CPNE7: variants seen among roughly 807,000 people sequenced by gnomAD.
CPNE7 encodes the protein copine-7.
In CPNE7, 78 loss-of-function variants were observed where a neutral mutation model predicts 66.5. The observed-to-expected ratio is 1.17, with a 90% CI of 0.98 to 1.42. The LOEUF (loss-of-function observed/expected upper bound fraction) is 1.42, where lower values mean the gene tolerates loss of function less well. CPNE7 is among the 40% of genes most tolerant of loss of function. The probability of loss-of-function intolerance (pLI) is 0.00; values close to 1 mark genes in which losing one functional copy is unlikely to be tolerated. For synonymous variants in CPNE7, 468 were observed against 336.7 expected (o/e 1.39, Z -4.27); for missense variants, 1,012 against 776.6 (o/e 1.30, Z -3.60).
chr16:89,585,810 C>G, intron 7 of CPNE7, 25 bp downstream of exon 7: 1 of 1,062,998 alleles, frequency 9.4e-7, no homozygotes, highest in Non-Finnish European at 1.3e-6. Context: ...GTAGGGGGTC[C>G]TCCAGGGAGG....
chr16:89,596,499 C>A lies in CPNE7; in HGVS notation c.1555C>A (p.Leu519Met). 6.2e-7 allele frequency: 1 copy of A among 1,608,850 alleles called. No individual in the cohort carries two copies. The stretch of plus-strand genomic sequence containing the variant: ...CATCCTCCAGGCATCCCCTGCGGCG[C>A]TGGCCAAGTGCGTGCTGGCCGAGGT... ...RELKNASPAALAKCVLAEVPK... is the reference protein window; with the variant it reads ...RELKNASPAAMAKCVLAEVPK... The change falls in exon 15 of 15, where the codon CTG becomes ATG. Residue 519 changes from leucine to methionine, a missense_variant. Leu to Met is a conservative substitution (Grantham distance 15). Transcript: ENST00000319518.
intron 1 of CPNE7, among the ~76,000 whole-genome samples, chr16:89,576,911 G>A (rs1222185673): frequency 1.3e-5 from 2 of 152,102 alleles, no homozygotes; most frequent in Non-Finnish European, 2.9e-5. Flanking sequence ...CGGAGGCCCC[G>A]TGCCCGCCCC....
intron 10 of CPNE7, among the ~76,000 whole-genome samples, chr16:89,589,108 A>G (rs537436751): frequency 6.6e-6 from 1 of 152,320 alleles, no homozygotes; most frequent in East Asian, 1.9e-4. Flanking sequence ...CCTGGCCAAC[A>G]TGGTGAAACC....
At position 89,575,946 on chromosome 16, in the gene CPNE7, C is replaced by T. The variant is rs765674489; in HGVS notation, c.49C>T (p.Pro17Ser). ...RGAAATPGGL[P>S]APCASKVELR... ...GGCGGCGGCAACCCCCGGGGGTTTG[C>T]CCGCGCCCTGCGCCTCGAAGGTGGA... The change falls in exon 1 of 15, where the codon CCC becomes TCC. Residue 17 changes from proline to serine, a missense_variant. Physicochemically the swap from Pro to Ser is moderately conservative, Grantham distance 74. Transcript: ENST00000319518. 2 of 1,335,694 alleles carry T rather than the reference C, an allele frequency of 1.5e-6. No individual in the cohort carries two copies. The highest frequency in any genetic ancestry group is 1.8e-5 in the South Asian group (1 of 54,480). 82.7% of individuals were successfully genotyped at this position (1,335,694 alleles called of 1,614,324 possible). A position where few individuals can be genotyped will look rare whatever the true frequency, so the allele number is the denominator to read the frequency against.
Position 89,576,044 on chromosome 16 carries a change from GC to G in CPNE7, c.148del (p.Gln50SerfsTer77). 7.6e-7 allele frequency: 1 copy of G among 1,318,792 alleles called. No homozygotes were observed. Among genetic ancestry groups the G allele is most frequent in the Non-Finnish European group, 9.7e-7 (1 of 1,034,692 alleles). 81.7% of individuals were successfully genotyped at this position (1,318,792 alleles called of 1,614,324 possible). A position where few individuals can be genotyped will look rare whatever the true frequency, so the allele number is the denominator to read the frequency against. ...AGTCCGACCCCAGCGTGGCGTTGCT[GC>G]AGCAGGCGCAGGGCCAGTGGGTGCA... is the stretch of plus-strand genomic sequence containing the variant. ...TKSDPSVALL[Q>X]QAQGQWVQVG... On this transcript the variant is annotated frameshift_variant, in exon 1 of 15. Coordinates refer to ENST00000319518, the MANE Select transcript of CPNE7 (RefSeq NM_153636.3). LOFTEE classifies it high-confidence loss of function.
intron 7 of CPNE7, among the ~76,000 whole-genome samples, chr16:89,586,061 AG>A (rs902111478): frequency 4.3e-3 from 15 of 3,506 alleles, no homozygotes; most frequent in Non-Finnish European, 8.0e-3. Context: ...GGGGCAGGTG[AG>A]GGGGGCCTCT....
chr16:89,582,113 T>C (rs1211979009), intron 2 of CPNE7, among the ~76,000 whole-genome samples: 1 of 152,242 alleles, frequency 6.6e-6, no homozygotes, highest in Non-Finnish European at 1.5e-5. Flanking sequence ...CTTCCAGCAA[T>C]GAGGAGGCCC....
intron 2 of CPNE7, among the ~76,000 whole-genome samples, chr16:89,581,026 GTCACACGGAACATCCCGTAACCCA>G (rs1567953537): frequency 1.3e-4 from 17 of 132,562 alleles, no homozygotes; most frequent in African/African-American, 4.7e-4. Flanking sequence ...CCCGTCACCC[GTCACACGGAACATCCCGTAACCCA>G]TCACATGGAA....
chr16:89,586,593 G>C, intron 7 of CPNE7, 77 bp from the exon 8 acceptor site: 1 of 1,207,780 alleles, frequency 8.3e-7, no homozygotes, highest in Non-Finnish European at 1.2e-6. Flanking sequence ...CGCTATTGGG[G>C]ATGGTCTTGG....
At chr16:89,592,300 C>T (rs1009037645) in intron 13 of CPNE7, among the ~76,000 whole-genome samples, 19 of 151,522 alleles carry the variant, frequency 1.3e-4, no homozygotes, top group Admixed American at 7.9e-4. Flanking sequence ...AGGTGTGAGC[C>T]GCCGCGCCCG....
At chr16:89,587,010 G>GC in intron 8 of CPNE7, 33 bp from the exon 9 acceptor site, 1 of 1,564,568 alleles carries the variant, frequency 6.4e-7, no homozygotes, top group Non-Finnish European at 8.7e-7. Context: ...AGTGTCCCTG[G>GC]CGGGGGTGGA....
Position 89,575,922 on chromosome 16 carries a change from G to C in CPNE7, c.25G>C (p.Ala9Pro). MSAGSERG[A>P]AATPGGLPAP... Reference sequence around the variant, plus strand: ...CATGAGCGCGGGCTCGGAGCGCGGGGCGGCGGCAACCCCCGGGGGTTTGCC... The same window carrying C: ...CATGAGCGCGGGCTCGGAGCGCGGGCCGGCGGCAACCCCCGGGGGTTTGCC... The change falls in exon 1 of 15, where the codon GCG becomes CCG. Residue 9 changes from alanine (A) to proline (P), a missense_variant. Ala to Pro is a conservative substitution (Grantham distance 27, BLOSUM62 -1). Coordinates refer to ENST00000319518, the MANE Select transcript of CPNE7 (RefSeq NM_153636.3). 7.9e-7 allele frequency: 1 copy of C among 1,258,534 alleles called. No homozygotes were observed. The highest frequency in any genetic ancestry group is 1.0e-6 in the Non-Finnish European group (1 of 1,001,450). The allele number at this position is 1,258,534 out of a possible 1,614,324, so 78.0% of individuals were successfully genotyped here.
At chr16:89,593,038 C>T (rs1597720734) in intron 13 of CPNE7, among the ~76,000 whole-genome samples, 2 of 151,524 alleles carry the variant, frequency 1.3e-5, no homozygotes, top group African/African-American at 4.9e-5. Context: ...TCTCAAACTC[C>T]TGACCTCAAG....
At position 89,585,729 on chromosome 16, in the gene CPNE7, A is replaced by C. The variant is rs1233118890; in HGVS notation, c.724A>C (p.Ile242Leu). 4 of 1,541,702 alleles carry C rather than the reference A, an allele frequency of 2.6e-6. No homozygotes were observed. The Middle Eastern group carries it at 5.0e-4, about 193-fold the overall frequency. ...CGACTCTCGAGGAAAGCACGACTTC[A>C]TCGGAGAATTCTCTACCACCTTCGA... ...DYDSRGKHDF[I>L]GEFSTTFEEM... The change falls in exon 7 of 15, where the codon ATC (isoleucine) becomes CTC (leucine). Residue 242 changes from isoleucine (I) to leucine (L), a missense_variant. Coordinates refer to ENST00000319518, the MANE Select transcript of CPNE7 (RefSeq NM_153636.3).
rs1172402816 is a variant in CPNE7 at position 89,586,771 on chromosome 16, T to C, written c.867+15T>C. On this transcript the variant is annotated intron_variant, in intron 8 of 14. Transcript: ENST00000319518. ...CTGACCTCAAGGTGAGAGGTGGCTG[T>C]GCCCGAAGCCTCCCCACCCACAAGA... 6.2e-7 allele frequency: 1 copy of C among 1,607,642 alleles called. No individual in the cohort carries two copies.
chr16:89,589,652 G>A (rs2059139459), intron 10 of CPNE7, among the ~76,000 whole-genome samples: 1 of 152,172 alleles, frequency 6.6e-6, no homozygotes, highest in African/African-American at 2.4e-5. Context: ...CAGGGGGACA[G>A]CATGTACACA....
Position 89,595,228 on chromosome 16 carries a change from T to G in CPNE7, c.1303-139T>G, listed in dbSNP as rs2059234654. ...ACTGTTGTTCGTGATGTTTGTGATG[T>G]AGGCATCACACTCTGAAGGCGGTTC... On this transcript the variant is annotated intron_variant, in intron 13 of 14. Transcript: ENST00000319518. 25 of 655,168 alleles carry G rather than the reference T, an allele frequency of 3.8e-5. No individual in the cohort carries two copies. The South Asian group carries it at 4.9e-4, about 13-fold the overall frequency. 40.6% of individuals were successfully genotyped at this position (655,168 alleles called of 1,614,324 possible). A position where few individuals can be genotyped will look rare whatever the true frequency, so the allele number is the denominator to read the frequency against.
intron 2 of CPNE7, among the ~76,000 whole-genome samples, chr16:89,578,306 G>T (rs144293029): frequency 1.3e-5 from 2 of 151,690 alleles, no homozygotes; most frequent in Non-Finnish European, 2.9e-5. Context: ...CTCGTGATCC[G>T]CCTGCCTTGT....
chr16:89,587,126 G>GCC (rs1567959450), intron 9 of CPNE7, 24 bp downstream of exon 9: 4 of 1,174,402 alleles, frequency 3.4e-6, no homozygotes, highest in East Asian at 6.1e-5. Context: ...CCCGCCCCAT[G>GCC]CCGCCCCCTC....
Sources: gnomAD v4.1 joint callset for allele counts (sites outside exome capture counted in the v4.1 genomes callset) on GRCh38, gnomAD v4.1.1 for gene constraint, MANE v1.5 for transcripts, NCBI Gene and HGNC (gene_info 2026-07-23, HGNC 2026-07-21) for gene names.